Variants in BTBD9 observed in about 807,000 individuals in gnomAD.
BTBD9 encodes BTB/POZ domain-containing protein 9.
A neutral mutation model predicts 64.3 loss-of-function variants in BTBD9; 49 were observed. The ratio of observed to expected loss-of-function variants is 0.76; its 90% confidence interval spans 0.61 to 0.97. BTBD9 has a LOEUF of 0.97. Among genes scored for constraint, BTBD9 ranks in the 50% least tolerant of loss-of-function variants. BTBD9 has a pLI of 0.00. For synonymous variants in BTBD9, 260 were observed against 274.7 expected (o/e 0.95, Z 0.53); for missense variants, 598 against 762.1 (o/e 0.78, Z 2.53).
chr6:38,503,717 C>T (rs931028168), intron 6 of BTBD9, among the ~76,000 whole-genome samples: 2 of 152,198 alleles, frequency 1.3e-5, no homozygotes, highest in East Asian at 3.8e-4. Context: ...TTTTCCTCCA[C>T]TCCTACTGCT....
chr6:38,265,667 G>A (rs1324459967), intron 8 of BTBD9, among the ~76,000 whole-genome samples: 1 of 152,078 alleles, frequency 6.6e-6, no homozygotes, highest in Non-Finnish European at 1.5e-5. Flanking sequence ...ACAGGCACTC[G>A]CCACCAGGCC....
At chr6:38,211,126 G>A (rs757187019) in intron 9 of BTBD9, among the ~76,000 whole-genome samples, 1 of 152,170 alleles carries the variant, frequency 6.6e-6, no homozygotes, top group African/African-American at 2.4e-5. Flanking sequence ...GAACAAATAA[G>A]GAATAAGAAA....
chr6:38,204,734 G>A (rs1470549400), intron 9 of BTBD9, among the ~76,000 whole-genome samples: 1 of 151,912 alleles, frequency 6.6e-6, no homozygotes, highest in Non-Finnish European at 1.5e-5. Context: ...TGTTTAAAAT[G>A]TTCAAAAAAA....
intron 6 of BTBD9, among the ~76,000 whole-genome samples, chr6:38,370,158 T>C (rs764565856): frequency 1.3e-5 from 2 of 152,260 alleles, no homozygotes; most frequent in African/African-American, 2.4e-5. Context: ...GACTTCATTA[T>C]GTCAGCATTA....
chr6:38,592,680 T>G lies in BTBD9; in HGVS notation c.710A>C (p.Asn237Thr), dbSNP rs1156901630. 6.2e-7 allele frequency: 1 copy of G among 1,614,128 alleles called. No homozygotes were observed. The highest frequency in any genetic ancestry group is 2.2e-5 in the East Asian group (1 of 44,870). ...CAGCAGTCCTGAAGGCCTCACAACA[T>G]TCAGAAGCTCTGTGAGGCTCATGAG... ...LPLMSLTELL[N>T]VVRPSGLLSP... The change falls in exon 4 of 11, where the codon AAT (asparagine) becomes ACT (threonine). Residue 237 changes from asparagine to threonine, a missense_variant. Coordinates refer to ENST00000481247, the MANE Select transcript of BTBD9 (RefSeq NM_001099272.2).
intron 9 of BTBD9, among the ~76,000 whole-genome samples, chr6:38,202,075 C>T (rs533582335): frequency 6.2e-5 from 9 of 144,928 alleles, no homozygotes; most frequent in Non-Finnish European, 1.3e-4. Context: ...CCAAAAATGT[C>T]GTTTTTTTTG....
chr6:38,230,739 T>G (rs1763576379), intron 9 of BTBD9, among the ~76,000 whole-genome samples: 1 of 152,132 alleles, frequency 6.6e-6, no homozygotes, highest in Admixed American at 6.6e-5. Flanking sequence ...AATTCCCTCT[T>G]CAGGGCCTTA....
At chr6:38,431,884 A>C (rs186598598) in intron 6 of BTBD9, among the ~76,000 whole-genome samples, 1 of 151,952 alleles carries the variant, frequency 6.6e-6, no homozygotes, top group Non-Finnish European at 1.5e-5. Context: ...TAACCCTGCG[A>C]CATGGCCTAC....
intron 6 of BTBD9, among the ~76,000 whole-genome samples, chr6:38,538,394 G>T (rs1464596196): frequency 1.3e-5 from 2 of 152,110 alleles, no homozygotes; most frequent in African/African-American, 4.8e-5. Context: ...GGGAGTGGGA[G>T]GAGTAGGAGA....
At chr6:38,539,557 G>A (rs767579789) in intron 6 of BTBD9, among the ~76,000 whole-genome samples, 42 of 152,252 alleles carry the variant, frequency 2.8e-4, no homozygotes, top group Non-Finnish European at 4.4e-4. Context: ...GTAGAAACAC[G>A]GATGATCAAA....
Position 38,394,426 on chromosome 6 carries a change from A to G in BTBD9, c.1155-49333T>C, listed in dbSNP as rs560480762. Among the ~76,000 whole-genome samples, 21 of 152,238 alleles carry G rather than the reference A, an allele frequency of 1.4e-4. No individual in the cohort carries two copies. In the East Asian group the frequency reaches 4.1e-3, roughly 29 times the overall value. On this transcript the variant is annotated intron_variant, in intron 6 of 10. Transcript: ENST00000481247. ...AAGGAGAAGAGAAACAGAAGGGAGA[A>G]GTTTTTTGTGGCAAGAAAGAACAAT...
chr6:38,581,435 A>T (rs901588930), intron 4 of BTBD9, among the ~76,000 whole-genome samples: 1 of 152,234 alleles, frequency 6.6e-6, no homozygotes, highest in Non-Finnish European at 1.5e-5. Context: ...GAGAATTTTT[A>T]AAAATGAAAA....
chr6:38,342,535 C>CAAAA (rs762825969), intron 7 of BTBD9, among the ~76,000 whole-genome samples: 2 of 54,842 alleles, frequency 3.6e-5, no homozygotes, highest in African/African-American at 5.7e-5. Flanking sequence ...GACTCTGTCT[C>CAAAA]AAAAAAAAAA....
chr6:38,345,153 G>A lies in BTBD9; in HGVS notation c.1155-60C>T. On this transcript the variant is annotated intron_variant, in intron 6 of 10. Transcript: ENST00000481247. ...TGAGCTCCCACCACAACCAATCCAA[G>A]GATAACAGAGTAAGACACGTCACCT... 2.7e-6 allele frequency: 3 copies of A among 1,122,750 alleles called. No individual in the cohort carries two copies. In the South Asian group the frequency reaches 4.0e-5, roughly 15 times the overall value. 69.5% of individuals were successfully genotyped at this position (1,122,750 alleles called of 1,614,324 possible).
At chr6:38,185,521 A>C (rs1224674287) in intron 10 of BTBD9, among the ~76,000 whole-genome samples, 1 of 152,108 alleles carries the variant, frequency 6.6e-6, no homozygotes, top group African/African-American at 2.4e-5. Context: ...TCACATTCTG[A>C]TTCTGCCACT....
At position 38,222,904 on chromosome 6, in the gene BTBD9, T is replaced by A. The variant is rs1038128496; in HGVS notation, c.1563-30307A>T. ...CTGAGTTTAGGGGAAGGTTTTATTT[T>A]ATTTATTTATTTATTTTTTAAGATG... is the stretch of plus-strand genomic sequence containing the variant. On this transcript the variant is annotated intron_variant, in intron 9 of 10. Transcript: ENST00000481247. Among the ~76,000 whole-genome samples, 8 of 152,300 alleles carry A rather than the reference T, an allele frequency of 5.3e-5. No individual in the cohort carries two copies. The South Asian group carries it at 1.2e-3, about 24-fold the overall frequency.
In BTBD9 at chr6:38,171,126, T is replaced by G. The variant is rs1055841532; in HGVS notation, c.*3859A>C. 1 of 152,360 alleles carries G rather than the reference T, an allele frequency of 6.6e-6. No homozygotes were observed. The highest frequency in any genetic ancestry group is 2.4e-5 in the African/African-American group (1 of 41,582). The allele number at this position is 152,360 out of a possible 1,614,324, so 9.4% of individuals were successfully genotyped here. A position where few individuals can be genotyped will look rare whatever the true frequency, so the allele number is the denominator to read the frequency against. Reference sequence around the variant, plus strand: ...AGTACACAGAACGCTCGCTTTTTATTGTAGATTATACCTTCCTTTTCCCCC... The same window carrying G: ...AGTACACAGAACGCTCGCTTTTTATGGTAGATTATACCTTCCTTTTCCCCC... On this transcript the variant is annotated 3_prime_UTR_variant, in exon 11 of 11. Coordinates refer to ENST00000481247, the MANE Select transcript of BTBD9 (RefSeq NM_001099272.2).
intron 7 of BTBD9, among the ~76,000 whole-genome samples, chr6:38,304,314 G>A (rs573018144): frequency 5.3e-5 from 8 of 152,100 alleles, no homozygotes; most frequent in Admixed American, 2.6e-4. Flanking sequence ...TTGGGAGGCC[G>A]AGGTGGGCGG....
chr6:38,344,846 T>C, intron 7 of BTBD9, 138 bp downstream of exon 7: 1 of 487,462 alleles, frequency 2.1e-6, no homozygotes, highest in Non-Finnish European at 3.6e-6. Flanking sequence ...ATGTAAGCCA[T>C]TCCCTATGTC....
Sources: gnomAD v4.1 joint callset for allele counts (sites outside exome capture counted in the v4.1 genomes callset) on GRCh38, gnomAD v4.1.1 for gene constraint, MANE v1.5 for transcripts, NCBI Gene and HGNC (gene_info 2026-07-23, HGNC 2026-07-21) for gene names.